The following ENO2 variants were observed in gnomAD, a reference collection of about 807,000 sequenced individuals.
ENO2 encodes the protein gamma-enolase.
A neutral mutation model predicts 48.7 loss-of-function variants in ENO2; 19 were observed. That is an observed-to-expected ratio of 0.39 (90% CI 0.27 to 0.57). The LOEUF (loss-of-function observed/expected upper bound fraction) is 0.57, where lower values mean the gene tolerates loss of function less well. Ranked by LOEUF, ENO2 falls within the 20% of genes least tolerant of loss-of-function variation. The pLI is 0.58. For synonymous variants in ENO2, 198 were observed against 213.4 expected (o/e 0.93, Z 0.63); for missense variants, 416 against 555.0 (o/e 0.75, Z 2.52).
chr12:6,922,288 T>C lies in ENO2; in HGVS notation c.1177-56T>C. The C allele has an allele frequency of 6.2e-7, 1 of 1,613,414 alleles. No individual in the cohort carries two copies. Among genetic ancestry groups the C allele is most frequent in the Non-Finnish European group, 8.5e-7 (1 of 1,179,382 alleles). On this transcript the variant is annotated intron_variant, in intron 10 of 11. Transcript: ENST00000229277. This position sits in a 1 kb window ranked among gnomAD's most constrained non-coding sequence, Gnocchi z 5.3. The stretch of plus-strand genomic sequence containing the variant: ...GGGGAGTTTCAGGAGAGCAGAAGTT[T>C]CCTTTCAGGGGTGAGAGGGCAGTCA...
At position 6,917,650 on chromosome 12, in the gene ENO2, A is replaced by G; in HGVS notation, c.380A>G (p.Glu127Gly). ...TGTAAGGCAGGGGCAGCTGAGCGGG[A>G]ACTGCCCCTGTATCGCCACATTGCT... ...AVCKAGAAER[E>G]LPLYRHIAQL... The change falls in exon 6 of 12, where the codon GAA (glutamate) becomes GGA (glycine). Residue 127 changes from glutamate (E) to glycine (G), a missense_variant. Coordinates refer to ENST00000229277, the MANE Select transcript of ENO2 (RefSeq NM_001975.3). The G allele has an allele frequency of 2.5e-6, 4 of 1,613,796 alleles. No homozygotes were observed. Among genetic ancestry groups the G allele is most frequent in the Non-Finnish European group, 2.5e-6 (3 of 1,179,928 alleles).
intron 8 of ENO2, chr12:6,921,368 G>T: frequency 1.9e-6 from 1 of 533,634 alleles, no homozygotes; most frequent in Non-Finnish European, 3.4e-6. Flanking sequence ...ACTCCAGCCT[G>T]GATGACAGAA....
Position 6,919,634 on chromosome 12 carries a change from G to A in ENO2, c.736G>A (p.Val246Ile), listed in dbSNP as rs1945322265. Residue 246 changes from valine (V) to isoleucine (I), a missense_variant, in exon 8 of 12, where the codon GTT becomes ATT. By Grantham distance (29) the Val-to-Ile change is conservative. Transcript: ENST00000229277. ...GGAAAAGATCGTTATTGGCATGGAT[G>A]TTGCTGCCTCAGAGTTTTATCGTGA... ...YTEKIVIGMDVAASEFYRDGK... is the reference protein window; with the variant it reads ...YTEKIVIGMDIAASEFYRDGK... The A allele has an allele frequency of 5.0e-6, 8 of 1,614,054 alleles. No individual in the cohort carries two copies. Among genetic ancestry groups the A allele is most frequent in the Non-Finnish European group, 5.9e-6 (7 of 1,180,048 alleles).
In ENO2 at chr12:6,916,540, TC is replaced by T. The variant is rs782179733; in HGVS notation, c.181+33del. On this transcript the variant is annotated intron_variant, in intron 3 of 11. Coordinates refer to ENST00000229277, the MANE Select transcript of ENO2 (RefSeq NM_001975.3). This position sits in a 1 kb window ranked among gnomAD's most constrained non-coding sequence, Gnocchi z 4.5. Reference sequence around the variant, plus strand: ...GAGGTCCCTTCTCTTTTCCAGACTCTCCCCCACCTCAGCCTTATGCCCCTAC... The same window carrying T: ...GAGGTCCCTTCTCTTTTCCAGACTCTCCCCACCTCAGCCTTATGCCCCTAC... 3.7e-6 allele frequency: 6 copies of T among 1,613,004 alleles called. No individual in the cohort carries two copies. The Admixed American group carries it at 1.0e-4, about 27-fold the overall frequency.
intron 7 of ENO2, among the ~76,000 whole-genome samples, chr12:6,918,893 G>T (rs782337238): frequency 6.6e-5 from 10 of 150,784 alleles, no homozygotes; most frequent in Non-Finnish European, 1.3e-4. Context: ...GAGGCAGGAG[G>T]ATCGCTTGTA....
chr12:6,916,854 G>A lies in ENO2; in HGVS notation c.240+125G>A. On this transcript the variant is annotated intron_variant, in intron 4 of 11. Coordinates refer to ENST00000229277, the MANE Select transcript of ENO2 (RefSeq NM_001975.3). This position sits in a 1 kb window ranked among gnomAD's most constrained non-coding sequence, Gnocchi z 4.5. Reference sequence around the variant, plus strand: ...ATCATGGTTACAAGGGGGAAGGGTGGGGAACAGCTTCCTTAATGCACCCTG... The same window carrying A: ...ATCATGGTTACAAGGGGGAAGGGTGAGGAACAGCTTCCTTAATGCACCCTG... The A allele has an allele frequency of 2.1e-6, 3 of 1,435,760 alleles. No homozygotes were observed. Among genetic ancestry groups the A allele is most frequent in the Non-Finnish European group, 2.9e-6 (3 of 1,045,182 alleles). The allele number at this position is 1,435,760 out of a possible 1,614,324, so 88.9% of individuals were successfully genotyped here. A position where few individuals can be genotyped will look rare whatever the true frequency, so the allele number is the denominator to read the frequency against.
chr12:6,915,609 C>T (rs1945282744), intron 1 of ENO2: 1 of 567,006 alleles, frequency 1.8e-6, no homozygotes, highest in South Asian at 2.1e-5. Context: ...GTGACCTCCC[C>T]TTCCTCACTG....
intron 6 of ENO2, 47 bp downstream of exon 6, chr12:6,917,761 G>T (rs1329812595): frequency 6.4e-6 from 10 of 1,571,168 alleles, no homozygotes; most frequent in Non-Finnish European, 8.7e-6. Flanking sequence ...GGGTGGGGGA[G>T]GGAGCATGCA....
intron 1 of ENO2, chr12:6,915,420 T>G (rs1411641841): frequency 4.8e-6 from 1 of 207,360 alleles, no homozygotes; most frequent in African/African-American, 2.2e-5. Context: ...CAGCCCATCC[T>G]CTTCTTGGCT....
rs781892938 is a variant in ENO2, at chr12:6,917,714, G to C, written c.444G>C (p.Pro148=). 1.1e-5 allele frequency: 17 copies of C among 1,518,354 alleles called. No homozygotes were observed. Among genetic ancestry groups the C allele is most frequent in the Non-Finnish European group, 1.3e-5 (15 of 1,139,546 alleles). 94.1% of individuals were successfully genotyped at this position (1,518,354 alleles called of 1,614,324 possible). A position where few individuals can be genotyped will look rare whatever the true frequency, so the allele number is the denominator to read the frequency against. ...AGNSDLILPV[P]AFNVINGGSH... ...ACTCAGACCTCATCCTGCCTGTGCC[G>C]GTGAGCAATAAGCCAGCCTGCGGCT... The change falls in exon 6 of 12, where the codon CCG becomes CCC. Residue 148 remains proline, a splice_region_variant and synonymous_variant. Transcript: ENST00000229277.
chr12:6,919,538 C>T, intron 7 of ENO2, 28 bp from the exon 8 acceptor site: 1 of 1,613,156 alleles, frequency 6.2e-7, no homozygotes, highest in African/African-American at 1.3e-5. Context: ...CCTGCTTGTA[C>T]TATAATCTCA....
intron 7 of ENO2, 47 bp downstream of exon 7, chr12:6,918,209 G>T (rs1235888163): frequency 1.9e-6 from 3 of 1,594,192 alleles, no homozygotes; most frequent in Non-Finnish European, 2.6e-6. Flanking sequence ...ACCCTATTGT[G>T]GGACATCAGA....
At position 6,916,743 on chromosome 12, in the gene ENO2, T is replaced by C. The variant is rs781817468; in HGVS notation, c.240+14T>C. On this transcript the variant is annotated intron_variant, in intron 4 of 11. Transcript: ENST00000229277. This position sits in a 1 kb window ranked among gnomAD's most constrained non-coding sequence, Gnocchi z 4.5. ...CTCATCAGCTCAGTGAGGCCTGCTC[T>C]TTGCTGGGGATAGCAGGGCCAGAGT... is the stretch of plus-strand genomic sequence containing the variant. 3.7e-6 allele frequency: 6 copies of C among 1,613,972 alleles called. No homozygotes were observed. The South Asian group carries it at 6.6e-5, about 18-fold the overall frequency.
At chr12:6,918,224 G>A in intron 7 of ENO2, 62 bp downstream of exon 7, 1 of 1,564,026 alleles carries the variant, frequency 6.4e-7, no homozygotes, top group Non-Finnish European at 8.7e-7. Flanking sequence ...ATCAGAAAGG[G>A]TGACACAGTT....
rs959262748 is a variant in ENO2, at chr12:6,917,949, G to A, written c.454G>A (p.Val152Met). The A allele has an allele frequency of 1.5e-5, 25 of 1,613,976 alleles. No individual in the cohort carries two copies. The highest frequency in any genetic ancestry group is 3.3e-5 in the Admixed American group (2 of 59,994). ...DLILPVPAFN[V>M]INGGSHAGNK... ...TTCTGTGGCTCCCCAGGCCTTCAACGTGATCAATGGTGGCTCTCATGCTGG... is the reference window on the plus strand; with the variant it reads ...TTCTGTGGCTCCCCAGGCCTTCAACATGATCAATGGTGGCTCTCATGCTGG... Residue 152 changes from valine to methionine, a missense_variant, in exon 7 of 12, where the codon GTG (valine) becomes ATG (methionine). Coordinates refer to ENST00000229277, the MANE Select transcript of ENO2 (RefSeq NM_001975.3).
Position 6,918,178 on chromosome 12 carries a change from C to G in ENO2, c.667+16C>G. ...AACAGTGAAGGTGAGGCCAGGAGCC[C>G]CACTCCCAGCTCTAAGTCTTACCCT... On this transcript the variant is annotated intron_variant, in intron 7 of 11. Transcript: ENST00000229277. 1 of 1,612,528 alleles carries G rather than the reference C, an allele frequency of 6.2e-7. No individual in the cohort carries two copies. Among genetic ancestry groups the G allele is most frequent in the Non-Finnish European group, 8.5e-7 (1 of 1,178,870 alleles).
Position 6,917,043 on chromosome 12 carries a change from C to T in ENO2, c.246C>T (p.Leu82=), listed in dbSNP as rs782773921. 6.2e-7 allele frequency: 1 copy of T among 1,614,186 alleles called. No homozygotes were observed. Among genetic ancestry groups the T allele is most frequent in the South Asian group, 1.1e-5 (1 of 91,086 alleles). The part of the protein sequence containing the change: ...TIAPALISSG[L]SVVEQEKLDN... Reference sequence around the variant, plus strand: ...GATGGAGGCTCTGCCCTCAGGGTCTCTCTGTGGTGGAGCAAGAGAAACTGG... The same window carrying T: ...GATGGAGGCTCTGCCCTCAGGGTCTTTCTGTGGTGGAGCAAGAGAAACTGG... Residue 82 remains leucine, a synonymous_variant, in exon 5 of 12, where the codon CTC becomes CTT. Transcript: ENST00000229277.
Position 6,916,359 on chromosome 12 carries a change from A to G in ENO2, c.86-58A>G, listed in dbSNP as rs1945292015. 16 of 1,532,694 alleles carry G rather than the reference A, an allele frequency of 1.0e-5. No homozygotes were observed. In the South Asian group the frequency reaches 1.8e-4, roughly 17 times the overall value. The allele number at this position is 1,532,694 out of a possible 1,614,324, so 94.9% of individuals were successfully genotyped here. ...AGGCAGTTTAGAGCCAGAAGGCTGA[A>G]GGACTCCCTGGCCCCTGTGTCCTCT... On this transcript the variant is annotated intron_variant, in intron 2 of 11. Transcript: ENST00000229277. This position sits in a 1 kb window ranked among gnomAD's most constrained non-coding sequence, Gnocchi z 4.5.
chr12:6,915,763 C>G, intron 1 of ENO2, 58 bp from the exon 2 acceptor site: 2 of 1,206,172 alleles, frequency 1.7e-6, no homozygotes, highest in Non-Finnish European at 2.3e-6. Context: ...CCATTGATCT[C>G]AGGCTCCACC....
Sources: allele counts gnomAD v4.1 joint callset (sites outside exome capture counted in the v4.1 genomes callset), GRCh38; gene constraint gnomAD v4.1.1; non-coding constraint Gnocchi (gnomAD v3.1); transcripts MANE v1.5; gene names NCBI Gene and HGNC (gene_info 2026-07-23, HGNC 2026-07-21).